ABCA7: variants seen among roughly 807,000 people sequenced by gnomAD.
ABCA7 encodes the protein phospholipid-transporting ATPase ABCA7.
A neutral mutation model predicts 227.6 loss-of-function variants in ABCA7; 261 were observed. That is an observed-to-expected ratio of 1.15 (90% CI 1.04 to 1.27). The LOEUF is 1.27. Among genes scored for constraint, ABCA7 ranks in the 50% most tolerant of loss-of-function variants. ABCA7 has a pLI of 0.00. For missense variants in ABCA7, 3,331 were observed against 2,924.5 expected (o/e 1.14, Z -3.21); for synonymous variants, 1,488 against 1,279.7 (o/e 1.16, Z -3.47).
At chr19:1,043,016 G>A in intron 7 of ABCA7, 25 bp from the exon 8 acceptor site, 1 of 1,577,532 alleles carries the variant, frequency 6.3e-7, no homozygotes, top group Non-Finnish European at 8.6e-7. Context: ...ATCATTGCCA[G>A]CTCCGTCTGG....
rs1302742809 is a variant in ABCA7, at chr19:1,055,246, C to T, written c.4100C>T (p.Pro1367Leu). 3 of 1,604,086 alleles carry T rather than the reference C, an allele frequency of 1.9e-6. No homozygotes were observed. Among genetic ancestry groups the T allele is most frequent in the Non-Finnish European group, 2.6e-6 (3 of 1,175,884 alleles). Residue 1367 changes from proline to leucine, a missense_variant, in exon 30 of 47, where the codon CCT (proline) becomes CTT (leucine). Coordinates refer to ENST00000263094, the MANE Select transcript of ABCA7 (RefSeq NM_019112.4). ...PDCPAAAGGP[P>L]PPQAVTGSGE... The stretch of plus-strand genomic sequence containing the variant: ...TGCCCGGCTGCAGCTGGTGGTCCCC[C>T]TCCGCCCCAGGCAGTGACCGGCTCT...
At chr19:1,040,276 G>A (rs2039884201) in intron 1 of ABCA7, 80 bp downstream of exon 1, 2 of 152,252 alleles carry the variant, frequency 1.3e-5, no homozygotes, top group Admixed American at 1.3e-4. Flanking sequence ...AAGTTCCCTG[G>A]GAATTAGGGG....
chr19:1,056,993 T>C lies in ABCA7; in HGVS notation c.4673T>C (p.Ile1558Thr), dbSNP rs1046507013. 13 of 1,613,822 alleles carry C rather than the reference T, an allele frequency of 8.1e-6. No homozygotes were observed. Among genetic ancestry groups the C allele is most frequent in the African/African-American group, 5.3e-5 (4 of 74,938 alleles). ...CCGGCCAGCTTCACTCTTGTCCTCATTGAGGAGCGAGTCACCCGAGCCAAG... is the reference window on the plus strand; with the variant it reads ...CCGGCCAGCTTCACTCTTGTCCTCACTGAGGAGCGAGTCACCCGAGCCAAG... ...FVPASFTLVL[I>T]EERVTRAKHL... The change falls in exon 34 of 47, where the codon ATT (isoleucine) becomes ACT (threonine). Residue 1558 changes from isoleucine to threonine, a missense_variant. Transcript: ENST00000263094. This position sits in a 1 kb window ranked among gnomAD's most constrained non-coding sequence, Gnocchi z 4.3.
In ABCA7 at chr19:1,052,245, C is replaced by A; in HGVS notation, c.3179C>A (p.Thr1060Asn). The A allele has an allele frequency of 6.4e-7, 1 of 1,559,066 alleles. No individual in the cohort carries two copies. The highest frequency in any genetic ancestry group is 1.7e-4 in the Middle Eastern group (1 of 5,986). Residue 1060 changes from threonine (T) to asparagine (N), a missense_variant, in exon 23 of 47, where the codon ACC (threonine) becomes AAC (asparagine). Physicochemically the swap from Thr to Asn is moderately conservative, Grantham distance 65. Coordinates refer to ENST00000263094, the MANE Select transcript of ABCA7 (RefSeq NM_019112.4). ...ACTGACATGGAGGGCAGTGTGGACA[C>A]CAGGCAGGAAAAGAAGAATGGCAGC... ...ADTDMEGSVD[T>N]RQEKKNGSQG...
At chr19:1,052,530 G>GAGT (rs2041806596) in intron 23 of ABCA7, among the ~76,000 whole-genome samples, 1 of 2,856 alleles carries the variant, frequency 3.5e-4, no homozygotes, top group Non-Finnish European at 7.8e-4. Flanking sequence ...AAGGGGGGAG[G>GAGT]AGGAGGGGAA....
intron 18 of ABCA7, among the ~76,000 whole-genome samples, chr19:1,050,046 G>T (rs907090968): frequency 7.9e-6 from 1 of 126,090 alleles, no homozygotes; most frequent in South Asian, 2.8e-4. Context: ...TGAGGCCCCC[G>T]ACCAGTCCCT....
At chr19:1,050,537 C>T (rs113392412) in intron 18 of ABCA7, among the ~76,000 whole-genome samples, 2 of 152,018 alleles carry the variant, frequency 1.3e-5, no homozygotes, top group African/African-American at 4.8e-5. Flanking sequence ...TTTGGGGGGC[C>T]GAGGCGGGTG....
rs2042316900 is a variant in ABCA7 at position 1,057,053 on chromosome 19, T to C, written c.4733T>C (p.Leu1578Pro). Residue 1578 changes from leucine (L) to proline (P), a missense_variant, in exon 34 of 47, where the codon CTC becomes CCC. By Grantham distance (98) the Leu-to-Pro change is moderately conservative. Coordinates refer to ENST00000263094, the MANE Select transcript of ABCA7 (RefSeq NM_019112.4). ...LQLMGGLSPT[L>P]YWLGNFLWDM... The stretch of plus-strand genomic sequence containing the variant: ...CTCATGGGGGGCCTGTCCCCCACCC[T>C]CTACTGGCTTGGCAACTTTCTCTGG... The C allele has an allele frequency of 1.2e-6, 2 of 1,613,426 alleles. No homozygotes were observed. The highest frequency in any genetic ancestry group is 1.1e-5 in the South Asian group (1 of 91,078).
chr19:1,061,928 G>GC (rs1213692293), intron 41 of ABCA7, 40 bp downstream of exon 41: 1 of 1,528,232 alleles, frequency 6.5e-7, no homozygotes, highest in African/African-American at 1.4e-5. Flanking sequence ...GGCAGGGTTG[G>GC]CCCTGACGTC....
At position 1,041,844 on chromosome 19, in the gene ABCA7, C is replaced by G. The variant is rs199776416; in HGVS notation, c.174C>G (p.Asn58Lys). ...GTCTCCCCGCAGGCCACTTCCCAAA[C>G]AAGCCACTGCCATCGGCGGGCACCG... ...PLEHHECHFPNKPLPSAGTVP... is the reference protein window; with the variant it reads ...PLEHHECHFPKKPLPSAGTVP... Residue 58 changes from asparagine (N) to lysine (K), a missense_variant, in exon 4 of 47, where the codon AAC (asparagine) becomes AAG (lysine). Physicochemically the swap from Asn to Lys is moderately conservative, Grantham distance 94 (BLOSUM62 0). Coordinates refer to ENST00000263094, the MANE Select transcript of ABCA7 (RefSeq NM_019112.4). 1 of 1,595,212 alleles carries G rather than the reference C, an allele frequency of 6.3e-7. No homozygotes were observed. Among genetic ancestry groups the G allele is most frequent in the South Asian group, 1.1e-5 (1 of 89,676 alleles).
rs1320656753 is a variant in ABCA7 at position 1,047,379 on chromosome 19, G to A, written c.2067+1G>A. Reference sequence around the variant, plus strand: ...GCCCGCGGGTGGCCGCGTGGCCGCGGTGAGAGCCGGGTCGGGCGTGGATGG... The same window carrying A: ...GCCCGCGGGTGGCCGCGTGGCCGCGATGAGAGCCGGGTCGGGCGTGGATGG... On this transcript the variant is annotated splice_donor_variant, in intron 15 of 46. Coordinates refer to ENST00000263094, the MANE Select transcript of ABCA7 (RefSeq NM_019112.4). LOFTEE classifies it high-confidence loss of function. The A allele has an allele frequency of 1.3e-6, 2 of 1,565,640 alleles. No homozygotes were observed. The highest frequency in any genetic ancestry group is 1.7e-6 in the Non-Finnish European group (2 of 1,162,346).
intron 6 of ABCA7, 158 bp from the exon 7 acceptor site, chr19:1,042,588 G>T: frequency 9.9e-7 from 1 of 1,012,948 alleles, no homozygotes; most frequent in Non-Finnish European, 1.5e-6. Context: ...AGACTCGTCT[G>T]TGAGATCTCC....
chr19:1,063,538 C>T lies in ABCA7; in HGVS notation c.5713-6C>T. 1 of 1,610,044 alleles carries T rather than the reference C, an allele frequency of 6.2e-7. No homozygotes were observed. Among genetic ancestry groups the T allele is most frequent in the East Asian group, 2.2e-5 (1 of 44,884 alleles). On this transcript the variant is annotated splice_polypyrimidine_tract_variant and splice_region_variant and intron_variant, in intron 42 of 46. Transcript: ENST00000263094. Reference sequence around the variant, plus strand: ...TCCCCATGCCTACTCTGGCCCCACCCCACAGACCGCTGGCTCGGGCCTGGC... The same window carrying T: ...TCCCCATGCCTACTCTGGCCCCACCTCACAGACCGCTGGCTCGGGCCTGGC...
chr19:1,055,006 G>A, intron 29 of ABCA7, 91 bp from the exon 30 acceptor site: 5 of 1,531,654 alleles, frequency 3.3e-6, no homozygotes, highest in Non-Finnish European at 4.4e-6. Context: ...GGGAGCCTCT[G>A]TGGCTCCAGG....
At position 1,045,129 on chromosome 19, in the gene ABCA7, A is replaced by C. The variant is rs1156260804; in HGVS notation, c.1343A>C (p.Asp448Ala). Reference protein sequence around the residue: ...VVFLGPEDSSDPTEHPTPDLG... With the variant: ...VVFLGPEDSSAPTEHPTPDLG... ...TTCTTGGGACCTGAGGACTCTTCAGACCCCACAGAGCACCCAACCCCAGAC... is the reference window on the plus strand; with the variant it reads ...TTCTTGGGACCTGAGGACTCTTCAGCCCCCACAGAGCACCCAACCCCAGAC... The change falls in exon 12 of 47, where the codon GAC becomes GCC. Residue 448 changes from aspartate (D) to alanine (A), a missense_variant. Transcript: ENST00000263094. 2 of 1,612,676 alleles carry C rather than the reference A, an allele frequency of 1.2e-6. No homozygotes were observed. The highest frequency in any genetic ancestry group is 2.2e-5 in the South Asian group (2 of 91,062).
chr19:1,050,127 T>G (rs964955231), intron 18 of ABCA7, among the ~76,000 whole-genome samples: 1 of 150,040 alleles, frequency 6.7e-6, no homozygotes, highest in African/African-American at 2.5e-5. Context: ...TCAAAATAAA[T>G]AGGGCGGGAG....
At chr19:1,043,614 G>C in intron 9 of ABCA7, 111 bp from the exon 10 acceptor site, 1 of 1,551,592 alleles carries the variant, frequency 6.4e-7, no homozygotes, top group African/African-American at 1.4e-5. Flanking sequence ...AGGGGGATCA[G>C]CTTGTGCGGA....
Position 1,041,653 on chromosome 19 carries a change from T to C in ABCA7, c.160+50T>C, listed in dbSNP as rs761645910. 9 of 1,592,718 alleles carry C rather than the reference T, an allele frequency of 5.7e-6. No individual in the cohort carries two copies. In the East Asian group the frequency reaches 1.8e-4, roughly 32 times the overall value. On this transcript the variant is annotated intron_variant, in intron 3 of 46. Transcript: ENST00000263094. Reference sequence around the variant, plus strand: ...CTTTGTGTGTGTAGGGGAAGGCAGATGGCTCACCCGTGCACAGGAATCCCC... The same window carrying C: ...CTTTGTGTGTGTAGGGGAAGGCAGACGGCTCACCCGTGCACAGGAATCCCC...
chr19:1,043,937 C>CTT (rs374000299), intron 10 of ABCA7, 96 bp downstream of exon 10: 11,860 of 653,618 alleles, frequency 0.018, no homozygotes, highest in Non-Finnish European at 0.019. Flanking sequence ...CAGACCCCCA[C>CTT]TTTTTTTTTT....
Sources: gnomAD v4.1 joint callset for allele counts (sites outside exome capture counted in the v4.1 genomes callset) on GRCh38, gnomAD v4.1.1 for gene constraint, Gnocchi (gnomAD v3.1) non-coding constraint, MANE v1.5 for transcripts, NCBI Gene and HGNC (gene_info 2026-07-23, HGNC 2026-07-21) for gene names.